HMGCLL1: variants seen among roughly 807,000 people sequenced by gnomAD.
HMGCLL1 encodes the protein 3-hydroxymethyl-3-methylglutaryl-CoA lyase, cytoplasmic.
Under a neutral mutation model 39.1 loss-of-function variants are expected in HMGCLL1, and 36 were observed. That is an observed-to-expected ratio of 0.92 (90% CI 0.71 to 1.22). The LOEUF (loss-of-function observed/expected upper bound fraction) is 1.22, where lower values mean the gene tolerates loss of function less well. Ranked by LOEUF, HMGCLL1 falls within the 50% of genes most tolerant of loss-of-function variation. HMGCLL1 has a pLI of 0.00. For synonymous variants in HMGCLL1, 149 were observed against 144.0 expected (o/e 1.03, Z -0.25); for missense variants, 451 against 416.5 (o/e 1.08, Z -0.72).
intron 7 of HMGCLL1, among the ~76,000 whole-genome samples, chr6:55,464,279 A>C (rs555109348): frequency 6.6e-6 from 1 of 152,122 alleles, no homozygotes; most frequent in Non-Finnish European, 1.5e-5. Flanking sequence ...AAAATATTAG[A>C]CTCCTAGTTG....
the HMGCLL1 span, among the ~76,000 whole-genome samples, chr6:55,607,296 T>A: frequency 6.6e-6 from 1 of 152,216 alleles, no homozygotes; most frequent in Non-Finnish European, 1.5e-5. Context: ...AGCTCTCAAC[T>A]ACATTTACTT....
intron 3 of HMGCLL1, among the ~76,000 whole-genome samples, chr6:55,528,282 C>T (rs547014917): frequency 1.3e-5 from 2 of 152,132 alleles, no homozygotes; most frequent in South Asian, 2.1e-4. Context: ...TTCTTCAACA[C>T]ATGCCATCGA....
chr6:55,516,678 G>C (rs1767758263), intron 3 of HMGCLL1, 75 bp from the exon 4 acceptor site: 2 of 966,048 alleles, frequency 2.1e-6, no homozygotes, highest in South Asian at 3.2e-5. Context: ...TTTCAGGTAG[G>C]TTATAGTTAC....
At chr6:55,536,107 T>C (rs1025853690) in intron 3 of HMGCLL1, among the ~76,000 whole-genome samples, 11 of 151,960 alleles carry the variant, frequency 7.2e-5, no homozygotes, top group African/African-American at 1.7e-4. Flanking sequence ...AAAAGGAGAG[T>C]AGGGGTAATT....
chr6:55,527,634 C>T (rs1561938453), intron 3 of HMGCLL1, among the ~76,000 whole-genome samples: 1 of 152,112 alleles, frequency 6.6e-6, no homozygotes, highest in Admixed American at 6.6e-5. Flanking sequence ...GATGATGACA[C>T]TGATAAGACC....
the HMGCLL1 span, among the ~76,000 whole-genome samples, chr6:55,602,274 A>G: frequency 1.3e-5 from 2 of 152,204 alleles, no homozygotes; most frequent in East Asian, 3.9e-4. Flanking sequence ...TGTTAATGTT[A>G]TTTACACTCC....
chr6:55,465,718 C>A (rs986306171), intron 7 of HMGCLL1, among the ~76,000 whole-genome samples: 1 of 151,962 alleles, frequency 6.6e-6, no homozygotes, highest in Non-Finnish European at 1.5e-5. Flanking sequence ...TTTTTCTCCT[C>A]TAATCTGGTA....
chr6:55,477,330 T>A lies in HMGCLL1; in HGVS notation c.795+18089A>T, dbSNP rs868421243. Among the ~76,000 whole-genome samples, 18 of 25,112 alleles carry A rather than the reference T, an allele frequency of 7.2e-4. 1 individual carries two copies. Among genetic ancestry groups the A allele is most frequent in the African/African-American group, 2.8e-3 (18 of 6,500 alleles). The allele number at this position is 25,112 out of a possible 152,430, so 16.5% of individuals were successfully genotyped here. A position where few individuals can be genotyped will look rare whatever the true frequency, so the allele number is the denominator to read the frequency against. ...TATATATATAATATATATTATATTA[T>A]ATAATATATATTATATTTAGATAAT... On this transcript the variant is annotated intron_variant, in intron 7 of 8. Coordinates refer to ENST00000274901, the MANE Select transcript of HMGCLL1 (RefSeq NM_001042406.2).
At chr6:55,660,340 A>T in the HMGCLL1 span, among the ~76,000 whole-genome samples, 698 of 151,698 alleles carry the variant, frequency 4.6e-3, 6 homozygotes, top group African/African-American at 0.016. Flanking sequence ...GTACCCAATA[A>T]TTGTTTTTTC....
At chr6:55,490,819 CAG>C (rs34039022) in intron 7 of HMGCLL1, among the ~76,000 whole-genome samples, 72,870 of 151,640 alleles carry the variant, frequency 0.48, 17,544 homozygotes, top group African/African-American at 0.51. Context: ...TTGCCAAAAT[CAG>C]AGAGATGCTT....
At chr6:55,543,290 T>A (rs1373972256) in intron 1 of HMGCLL1, among the ~76,000 whole-genome samples, 1 of 15,536 alleles carries the variant, frequency 6.4e-5, no homozygotes, top group African/African-American at 2.1e-4. Flanking sequence ...ATATAATATA[T>A]TATATATCAT....
chr6:55,630,244 A>G, the HMGCLL1 span, among the ~76,000 whole-genome samples: 2 of 152,046 alleles, frequency 1.3e-5, no homozygotes, highest in African/African-American at 2.4e-5. Context: ...ATCAAAGGAG[A>G]TCATTTTTGG....
At chr6:55,576,203 T>C (rs1002287167) in intron 1 of HMGCLL1, among the ~76,000 whole-genome samples, 4 of 152,176 alleles carry the variant, frequency 2.6e-5, no homozygotes, top group Non-Finnish European at 4.4e-5. Context: ...ATGGAGAGTC[T>C]GGGAGAGATT....
the HMGCLL1 span, among the ~76,000 whole-genome samples, chr6:55,673,166 A>G: frequency 6.6e-6 from 1 of 151,908 alleles, no homozygotes; most frequent in Admixed American, 6.6e-5. Flanking sequence ...GAGATTTCCA[A>G]CTCTGTAGGT....
At chr6:55,500,485 T>C (rs1285794761) in intron 5 of HMGCLL1, among the ~76,000 whole-genome samples, 1 of 151,884 alleles carries the variant, frequency 6.6e-6, no homozygotes, top group Admixed American at 6.6e-5. Context: ...ATTCAGTACA[T>C]AGCTATTGAT....
the HMGCLL1 span, among the ~76,000 whole-genome samples, chr6:55,633,534 G>A: frequency 6.6e-6 from 1 of 151,326 alleles, no homozygotes; most frequent in Non-Finnish European, 1.5e-5. Context: ...GGAAAATAAG[G>A]TCAGAAAAAA....
At chr6:55,512,285 T>C (rs748486559) in intron 5 of HMGCLL1, 3 of 152,122 alleles carry the variant, frequency 2.0e-5, no homozygotes, top group Admixed American at 6.6e-5. Context: ...AGAATTACTT[T>C]AAAGCTTATA....
At chr6:55,629,484 G>C in the HMGCLL1 span, among the ~76,000 whole-genome samples, 1 of 152,150 alleles carries the variant, frequency 6.6e-6, no homozygotes, top group African/African-American at 2.4e-5. Flanking sequence ...CAATAGAAAA[G>C]AGCATTTCAT....
the HMGCLL1 span, among the ~76,000 whole-genome samples, chr6:55,594,287 T>G: frequency 1.3e-5 from 2 of 152,222 alleles, no homozygotes; most frequent in Non-Finnish European, 2.9e-5. Flanking sequence ...CATCACATTA[T>G]CTAGGTCATT....
Sources: allele counts gnomAD v4.1 joint callset (sites outside exome capture counted in the v4.1 genomes callset), GRCh38; gene constraint gnomAD v4.1.1; transcripts MANE v1.5; gene names NCBI Gene and HGNC (gene_info 2026-07-23, HGNC 2026-07-21).